Variants in APOL5 observed in about 807,000 individuals in gnomAD.
APOL5 encodes apolipoprotein L, 5.
Under a neutral mutation model 35.5 loss-of-function variants are expected in APOL5, and 29 were observed. The observed-to-expected ratio is 0.82, with a 90% CI of 0.61 to 1.11. The LOEUF (loss-of-function observed/expected upper bound fraction) is 1.11. Ranked by LOEUF, APOL5 falls within the 50% of genes most tolerant of loss-of-function variation. The pLI is 0.00. For synonymous variants in APOL5, 188 were observed against 200.2 expected, an observed-to-expected ratio of 0.94 and a Z score of 0.51; for missense variants, 514 against 530.4, an observed-to-expected ratio of 0.97 and a Z score of 0.30.
chr22:35,713,041 A>T (rs1215612861), upstream of APOL5, among the ~76,000 whole-genome samples: 1 of 152,206 alleles, frequency 6.6e-6, no homozygotes, highest in East Asian at 1.9e-4. Flanking sequence ...TTTTGAACAC[A>T]GCATTCTATT....
At position 35,726,611 on chromosome 22, in the gene APOL5, C is replaced by T; in HGVS notation, c.543C>T (p.Ala181=). The T allele has an allele frequency of 1.9e-6, 3 of 1,614,188 alleles. No individual in the cohort carries two copies. The highest frequency in any genetic ancestry group is 2.5e-6 in the Non-Finnish European group (3 of 1,180,030). Residue 181 remains alanine, a synonymous_variant, in exon 3 of 5, where the codon GCC becomes GCT. Coordinates refer to ENST00000249044, the MANE Select transcript of APOL5 (RefSeq NM_030642.1). ...GGACAGGGTTGGGGGCAGCAGCTGC[C>T]ATCACCAACATAGTAACAAATGTCT... is the stretch of plus-strand genomic sequence containing the variant. The part of the protein sequence containing the change: ...ATGTGLGAAA[A]ITNIVTNVLE...
intron 4 of APOL5, 87 bp downstream of exon 4, chr22:35,728,991 AGAGG>A (rs1234166662): frequency 4.3e-6 from 6 of 1,385,070 alleles, no homozygotes; most frequent in Non-Finnish European, 4.7e-6. Flanking sequence ...TCAGGGAAAG[AGAGG>A]GAGGGCCTAA....
upstream of APOL5, among the ~76,000 whole-genome samples, chr22:35,715,225 C>T (rs1926708014): frequency 6.6e-6 from 1 of 152,210 alleles, no homozygotes; most frequent in African/African-American, 2.4e-5. Flanking sequence ...TCTGCCTTTG[C>T]TGGGTCTCAG....
upstream of APOL5, among the ~76,000 whole-genome samples, chr22:35,714,793 A>C (rs1926694010): frequency 6.6e-6 from 1 of 152,218 alleles, no homozygotes; most frequent in African/African-American, 2.4e-5. Flanking sequence ...AGAGAGGAGC[A>C]AGCTCCTTGC....
chr22:35,714,135 A>C (rs915407919), upstream of APOL5, among the ~76,000 whole-genome samples: 2 of 152,128 alleles, frequency 1.3e-5, no homozygotes, highest in Non-Finnish European at 2.9e-5. Context: ...AACATGGTGA[A>C]ACCCCGTCTC....
chr22:35,720,253 T>G (rs918999093), intron 1 of APOL5, among the ~76,000 whole-genome samples: 1 of 152,246 alleles, frequency 6.6e-6, no homozygotes, highest in African/African-American at 2.4e-5. Context: ...CTTCCCTGCC[T>G]GCTCCCATAT....
Position 35,726,261 on chromosome 22 carries a change from A to C in APOL5, c.193A>C (p.Thr65Pro). 1 of 1,613,712 alleles carries C rather than the reference A, an allele frequency of 6.2e-7. No homozygotes were observed. Among genetic ancestry groups the C allele is most frequent in the African/African-American group, 1.3e-5 (1 of 75,050 alleles). Residue 65 changes from threonine (T) to proline (P), a missense_variant, in exon 3 of 5, where the codon ACT (threonine) becomes CCT (proline). Thr to Pro is a conservative substitution (Grantham distance 38, BLOSUM62 -1). Transcript: ENST00000249044. ...QSWKINNLMS[T>P]VHSDEAGMLS... Reference sequence around the variant, plus strand: ...TTGGAAAATTAACAATTTGATGTCAACTGTCCACAGTGATGAGGCTGGTAT... The same window carrying C: ...TTGGAAAATTAACAATTTGATGTCACCTGTCCACAGTGATGAGGCTGGTAT...
At chr22:35,708,684 G>A in the APOL5 span, among the ~76,000 whole-genome samples, 1 of 152,126 alleles carries the variant, frequency 6.6e-6, no homozygotes, top group African/African-American at 2.4e-5. Flanking sequence ...TTTCCTCTGC[G>A]CTGATTTTTT....
chr22:35,721,438 G>A (rs192055153), intron 2 of APOL5, among the ~76,000 whole-genome samples: 4 of 152,196 alleles, frequency 2.6e-5, no homozygotes, highest in Non-Finnish European at 5.9e-5. Context: ...AGCTACATGG[G>A]AGGCTGAGGC....
chr22:35,723,338 A>G (rs1927038919), intron 2 of APOL5, among the ~76,000 whole-genome samples: 1 of 152,188 alleles, frequency 6.6e-6, no homozygotes, highest in East Asian at 1.9e-4. Flanking sequence ...CGTGCTGTAG[A>G]AAGTCACACA....
At chr22:35,714,679 C>T (rs1191889298), upstream of APOL5, among the ~76,000 whole-genome samples, 1 of 152,200 alleles carries the variant, frequency 6.6e-6, no homozygotes, top group Non-Finnish European at 1.5e-5. Context: ...TCGCTGTGTC[C>T]TCCAGCAATG....
chr22:35,718,006 A>T, intron 1 of APOL5, 80 bp downstream of exon 1: 8 of 1,199,456 alleles, frequency 6.7e-6, no homozygotes, highest in Non-Finnish European at 9.1e-6. Context: ...AATACGTTAC[A>T]CTATTTTTTA....
At chr22:35,720,780 C>A in intron 2 of APOL5, 126 bp downstream of exon 2, 1 of 688,836 alleles carries the variant, frequency 1.5e-6, no homozygotes, top group Non-Finnish European at 2.4e-6. Context: ...AGTCTCTTCT[C>A]TGTTGCCCAG....
Position 35,726,728 on chromosome 22 carries a change from G to C in APOL5, c.660G>C (p.Trp220Cys), listed in dbSNP as rs1927176368. ...ATGAGGCTTTCGGAGGAATAAATTG[G>C]TCTGAAATCGAGGCTGCTGGCTTTT... ...TSHEAFGGINWSEIEAAGFCV... is the reference protein window; with the variant it reads ...TSHEAFGGINCSEIEAAGFCV... Residue 220 changes from tryptophan to cysteine, a missense_variant, in exon 3 of 5, where the codon TGG (tryptophan) becomes TGC (cysteine). Coordinates refer to ENST00000249044, the MANE Select transcript of APOL5 (RefSeq NM_030642.1). 1 of 1,614,092 alleles carries C rather than the reference G, an allele frequency of 6.2e-7. No individual in the cohort carries two copies. The highest frequency in any genetic ancestry group is 8.5e-7 in the Non-Finnish European group (1 of 1,180,040).
chr22:35,710,113 C>CTTTTTTTT, the APOL5 span, among the ~76,000 whole-genome samples: 5 of 86,710 alleles, frequency 5.8e-5, no homozygotes, highest in Non-Finnish European at 8.4e-5. Flanking sequence ...CTTTCTTTCT[C>CTTTTTTTT]TTTTTTTTTT....
chr22:35,711,335 G>C, the APOL5 span, among the ~76,000 whole-genome samples: 1 of 152,072 alleles, frequency 6.6e-6, no homozygotes, highest in Non-Finnish European at 1.5e-5. Context: ...GAGTAATTCT[G>C]CTATAACCAT....
chr22:35,715,538 C>T (rs1202120698), upstream of APOL5, among the ~76,000 whole-genome samples: 3 of 152,016 alleles, frequency 2.0e-5, no homozygotes, highest in Non-Finnish European at 1.5e-5. Context: ...CCCAGCTACT[C>T]GGGAGACTGA....
At chr22:35,727,893 G>A (rs1927224627) in intron 3 of APOL5, among the ~76,000 whole-genome samples, 1 of 152,194 alleles carries the variant, frequency 6.6e-6, no homozygotes. Flanking sequence ...CAAGAAAACT[G>A]CTACCAAAAA....
chr22:35,725,353 C>T (rs1267057938), intron 2 of APOL5, among the ~76,000 whole-genome samples: 2 of 152,110 alleles, frequency 1.3e-5, no homozygotes, highest in Non-Finnish European at 2.9e-5. Context: ...GCAACCTCCA[C>T]TTCCCTGGTT....
Sources: allele counts gnomAD v4.1 joint callset (sites outside exome capture counted in the v4.1 genomes callset), GRCh38; gene constraint gnomAD v4.1.1; transcripts MANE v1.5; gene names NCBI Gene and HGNC (gene_info 2026-07-23, HGNC 2026-07-21).